ASAP2: variants seen among roughly 807,000 people sequenced by gnomAD.
ASAP2 encodes arf-GAP with SH3 domain, ANK repeat and PH domain-containing protein 2.
Under a neutral mutation model 131.4 loss-of-function variants are expected in ASAP2, and 45 were observed. That is an observed-to-expected ratio of 0.34 (90% CI 0.27 to 0.44). The LOEUF (loss-of-function observed/expected upper bound fraction) is 0.44. ASAP2 is among the 20% of genes least tolerant of loss of function. ASAP2 has a pLI of 1.00. For missense variants in ASAP2, 1,011 were observed against 1,297.0 expected (o/e 0.78, Z 3.39); for synonymous variants, 510 against 503.0 (o/e 1.01, Z -0.19).
intron 1 of ASAP2, among the ~76,000 whole-genome samples, chr2:9,237,523 C>T (rs1294033202): frequency 6.6e-6 from 1 of 151,904 alleles, no homozygotes; most frequent in Non-Finnish European, 1.5e-5. Context: ...GCAATCTTCC[C>T]ATCTTAGCCT....
At chr2:9,288,057 A>G (rs1296651799) in intron 2 of ASAP2, among the ~76,000 whole-genome samples, 1 of 152,118 alleles carries the variant, frequency 6.6e-6, no homozygotes, top group Non-Finnish European at 1.5e-5. Context: ...TGGTTCTTTA[A>G]TCTTTTGGTT....
rs1428916275 is a variant in ASAP2, at chr2:9,207,397, G to A, written c.126+167G>A. 2.0e-5 allele frequency among the ~76,000 whole-genome samples: 3 copies of A among 152,180 alleles called. No homozygotes were observed. The highest frequency in any genetic ancestry group is 7.2e-5 in the African/African-American group (3 of 41,452). On this transcript the variant is annotated intron_variant, in intron 1 of 27. Coordinates refer to ENST00000281419, the MANE Select transcript of ASAP2 (RefSeq NM_003887.3). This position sits in a 1 kb window ranked among gnomAD's most constrained non-coding sequence, Gnocchi z 4.1. ...CCTTTGTTCCCGCCTAGGTGGCTCG[G>A]AGGAGATGGGTGATGGCCACCTTGG...
intron 15 of ASAP2, among the ~76,000 whole-genome samples, chr2:9,368,159 G>A (rs1673626308): frequency 6.6e-6 from 1 of 152,220 alleles, no homozygotes; most frequent in South Asian, 2.1e-4. Context: ...ATTGGACCAA[G>A]TTACTGGTTC....
At chr2:9,267,897 C>CAAAAAAAAAAAAAA (rs34716225) in intron 1 of ASAP2, among the ~76,000 whole-genome samples, 1 of 65,022 alleles carries the variant, frequency 1.5e-5, no homozygotes, top group East Asian at 5.0e-4. Context: ...GACTCTATCT[C>CAAAAAAAAAAAAAA]AAAAAAAAAA....
chr2:9,348,475 T>C (rs1022651844), intron 11 of ASAP2, among the ~76,000 whole-genome samples: 3 of 152,194 alleles, frequency 2.0e-5, no homozygotes, highest in Non-Finnish European at 4.4e-5. Context: ...ATGGATAGAA[T>C]TTTCTCCCAT....
At chr2:9,335,215 A>G (rs1384564446) in intron 9 of ASAP2, 36 bp downstream of exon 9, 1 of 1,590,528 alleles carries the variant, frequency 6.3e-7, no homozygotes, top group Non-Finnish European at 8.6e-7. Flanking sequence ...TGCAGTTTTC[A>G]CCCCATTCTT....
At chr2:9,269,269 G>A (rs1421730991) in intron 1 of ASAP2, among the ~76,000 whole-genome samples, 3 of 152,042 alleles carry the variant, frequency 2.0e-5, no homozygotes, top group African/African-American at 4.8e-5. Flanking sequence ...GAGGGGGCGC[G>A]CATAACATTT....
At chr2:9,330,139 G>T (rs986084298) in intron 7 of ASAP2, among the ~76,000 whole-genome samples, 1 of 152,198 alleles carries the variant, frequency 6.6e-6, no homozygotes, top group Non-Finnish European at 1.5e-5. Context: ...ATACAGCTTT[G>T]ATGATGTTGC....
chr2:9,317,735 C>T (rs1669875726), intron 3 of ASAP2, among the ~76,000 whole-genome samples: 1 of 151,724 alleles, frequency 6.6e-6, no homozygotes, highest in South Asian at 2.1e-4. Flanking sequence ...CATTCACACT[C>T]ACATCCACAC....
intron 18 of ASAP2, 62 bp from the exon 19 acceptor site, chr2:9,378,882 C>T (rs1468142183): frequency 1.6e-6 from 2 of 1,212,604 alleles, no homozygotes; most frequent in African/African-American, 3.1e-5. Context: ...CCCTGCCGGG[C>T]AGTCCCTGGT....
chr2:9,386,916 C>T (rs1409247016), intron 21 of ASAP2, among the ~76,000 whole-genome samples: 2 of 152,216 alleles, frequency 1.3e-5, no homozygotes, highest in Non-Finnish European at 2.9e-5. Context: ...CAAGAAAGCA[C>T]ATGACCGGCC....
chr2:9,336,082 G>A (rs1671182682), intron 9 of ASAP2: 1 of 152,128 alleles, frequency 6.6e-6, no homozygotes, highest in Admixed American at 6.5e-5. Flanking sequence ...GCAGAATTTT[G>A]CATGTTTTAT....
intron 1 of ASAP2, among the ~76,000 whole-genome samples, chr2:9,257,981 T>C (rs7568731): frequency 5.3e-4 from 80 of 152,366 alleles, no homozygotes; most frequent in Middle Eastern, 3.4e-3. Flanking sequence ...GAGAGTCATG[T>C]GCCATAATCT....
At chr2:9,245,165 A>G (rs967634323) in intron 1 of ASAP2, among the ~76,000 whole-genome samples, 1 of 152,208 alleles carries the variant, frequency 6.6e-6, no homozygotes, top group Non-Finnish European at 1.5e-5. Context: ...AGGAACTTGT[A>G]GCTTGATTTT....
intron 15 of ASAP2, among the ~76,000 whole-genome samples, chr2:9,363,221 T>C (rs1330601731): frequency 6.6e-6 from 1 of 152,210 alleles, no homozygotes; most frequent in Admixed American, 6.5e-5. Context: ...GTTGATTCCC[T>C]ATCTCGACTA....
rs1662128411 is a variant in ASAP2, at chr2:9,217,460, C to T, written c.126+10230C>T. On this transcript the variant is annotated intron_variant, in intron 1 of 27. Coordinates refer to ENST00000281419, the MANE Select transcript of ASAP2 (RefSeq NM_003887.3). The surrounding 1 kb of genome is among the most constrained non-coding windows in gnomAD (Gnocchi z 4.0). ...TTTTTCCACTCCATGCTGAAGATGG[C>T]TTTGTCAATAAAATCAGGCAGTTGA... Among the ~76,000 whole-genome samples the T allele has an allele frequency of 6.6e-6, 1 of 152,158 alleles. No homozygotes were observed. The highest frequency in any genetic ancestry group is 2.1e-4 in the South Asian group (1 of 4,830).
chr2:9,401,421 G>T (rs746974069), intron 27 of ASAP2, 25 bp downstream of exon 27: 3 of 1,610,378 alleles, frequency 1.9e-6, no homozygotes, highest in South Asian at 1.1e-5. Context: ...GGCCTGGGAG[G>T]TTCCTGGGGG....
chr2:9,391,614 C>T (rs1300385666), intron 23 of ASAP2, among the ~76,000 whole-genome samples: 2 of 145,956 alleles, frequency 1.4e-5, no homozygotes, highest in East Asian at 2.0e-4. Context: ...CTCACTCCAT[C>T]GCCCAGGCTG....
chr2:9,219,600 T>G (rs1006135474), intron 1 of ASAP2, among the ~76,000 whole-genome samples: 3 of 152,236 alleles, frequency 2.0e-5, no homozygotes, highest in Non-Finnish European at 4.4e-5. Flanking sequence ...GAATCATATC[T>G]TCAAGTTGAA....
Sources: allele counts gnomAD v4.1 joint callset (sites outside exome capture counted in the v4.1 genomes callset), GRCh38; gene constraint gnomAD v4.1.1; non-coding constraint Gnocchi (gnomAD v3.1); transcripts MANE v1.5; gene names NCBI Gene and HGNC (gene_info 2026-07-23, HGNC 2026-07-21).